NRG3: variants seen among roughly 807,000 people sequenced by gnomAD.
NRG3 encodes pro-neuregulin-3, membrane-bound isoform.
A neutral mutation model predicts 66.9 loss-of-function variants in NRG3; 31 were observed. That is an observed-to-expected ratio of 0.46 (90% CI 0.35 to 0.63). The LOEUF (loss-of-function observed/expected upper bound fraction) is 0.63. Ranked by LOEUF, NRG3 falls within the 20% of genes least tolerant of loss-of-function variation. The probability of loss-of-function intolerance (pLI) is 0.00; values close to 1 mark genes in which losing one functional copy is unlikely to be tolerated. For missense variants in NRG3, 910 were observed against 878.9 expected (o/e 1.04, Z -0.45); for synonymous variants, 393 against 359.4 (o/e 1.09, Z -1.06).
At chr10:82,758,221 G>A (rs1160974681) in intron 3 of NRG3, among the ~76,000 whole-genome samples, 1 of 152,080 alleles carries the variant, frequency 6.6e-6, no homozygotes, top group Non-Finnish European at 1.5e-5. Flanking sequence ...CCAAGTGTCT[G>A]TAATGCTCAG....
intron 2 of NRG3, among the ~76,000 whole-genome samples, chr10:82,702,015 T>C (rs925850381): frequency 6.6e-6 from 1 of 152,192 alleles, no homozygotes; most frequent in Admixed American, 6.6e-5. Flanking sequence ...TGGGTGCTGT[T>C]CAGGCTCACA....
Position 82,437,754 on chromosome 10 carries a change from ATTG to A in NRG3, c.953+78893_953+78895del, listed in dbSNP as rs535410361. Among the ~76,000 whole-genome samples the A allele has an allele frequency of 1.4e-4, 22 of 151,852 alleles. No homozygotes were observed. The South Asian group carries it at 3.7e-3, about 26-fold the overall frequency. On this transcript the variant is annotated intron_variant, in intron 2 of 8. Coordinates refer to ENST00000372141, the MANE Select transcript of NRG3 (RefSeq NM_001010848.4). ...TTTTGTTGTTGTTGTTGATGATGCTATTGTTGTTGCTTTCTTCTGGTTTGTTGT... is the reference window on the plus strand; with the variant it reads ...TTTTGTTGTTGTTGTTGATGATGCTATTGTTGCTTTCTTCTGGTTTGTTGT...
intron 4 of NRG3, among the ~76,000 whole-genome samples, chr10:82,938,368 T>TA (rs1279077883): frequency 6.6e-6 from 1 of 152,190 alleles, no homozygotes; most frequent in Non-Finnish European, 1.5e-5. Flanking sequence ...GAGGTGTTTC[T>TA]AATGTATAGC....
intron 1 of NRG3, among the ~76,000 whole-genome samples, chr10:81,963,717 G>A (rs1225581543): frequency 6.6e-6 from 1 of 152,132 alleles, no homozygotes; most frequent in Non-Finnish European, 1.5e-5. Context: ...CAGTGCTAAG[G>A]GTTGCTCTGT....
intron 1 of NRG3, among the ~76,000 whole-genome samples, chr10:82,060,056 T>C (rs1298119159): frequency 6.6e-6 from 1 of 152,182 alleles, no homozygotes; most frequent in Non-Finnish European, 1.5e-5. Context: ...ACCTTGTTTG[T>C]TGTGAAGGAT....
intron 1 of NRG3, among the ~76,000 whole-genome samples, chr10:82,340,576 A>G (rs2082634687): frequency 6.6e-6 from 1 of 152,242 alleles, no homozygotes; most frequent in African/African-American, 2.4e-5. Flanking sequence ...ATTCATTTTC[A>G]TGAAGGAATC....
At chr10:82,402,091 A>G (rs1435489506) in intron 2 of NRG3, among the ~76,000 whole-genome samples, 1 of 152,110 alleles carries the variant, frequency 6.6e-6, no homozygotes, top group Non-Finnish European at 1.5e-5. Flanking sequence ...TTTCTAAGAA[A>G]CATCTTTAGA....
At chr10:82,931,812 T>C (rs1847607042) in intron 4 of NRG3, among the ~76,000 whole-genome samples, 1 of 152,182 alleles carries the variant, frequency 6.6e-6, no homozygotes, top group African/African-American at 2.4e-5. Context: ...TGATATCCCT[T>C]TCAGCTTCCT....
intron 1 of NRG3, among the ~76,000 whole-genome samples, chr10:82,022,085 A>T (rs1428804135): frequency 6.6e-6 from 1 of 152,018 alleles, no homozygotes; most frequent in Non-Finnish European, 1.5e-5. Context: ...CATCTGTTAA[A>T]ATTTTATTGA....
In NRG3 at chr10:82,191,673, C is replaced by A. The variant is rs186544597; in HGVS notation, c.824-167066C>A. ...AAGGTAACTCTACAAGAGGGAACTT[C>A]ATTCCATGTTGTAAAACTACCATGT... On this transcript the variant is annotated intron_variant, in intron 1 of 8. Coordinates refer to ENST00000372141, the MANE Select transcript of NRG3 (RefSeq NM_001010848.4). Among the ~76,000 whole-genome samples the A allele has an allele frequency of 3.3e-3, 501 of 152,300 alleles. 2 individuals carry two copies. The highest frequency in any genetic ancestry group is 0.011 in the African/African-American group (478 of 41,576).
At chr10:82,201,901 G>A (rs561900199) in intron 1 of NRG3, among the ~76,000 whole-genome samples, 1 of 152,134 alleles carries the variant, frequency 6.6e-6, no homozygotes, top group South Asian at 2.1e-4. Context: ...ATTCTGTTGA[G>A]GATTTAGAGA....
chr10:82,121,958 G>A (rs958661600), intron 1 of NRG3, among the ~76,000 whole-genome samples: 12 of 151,992 alleles, frequency 7.9e-5, no homozygotes, highest in Non-Finnish European at 1.6e-4. Context: ...TCATGTGACT[G>A]TTTTATAACA....
intron 1 of NRG3, among the ~76,000 whole-genome samples, chr10:82,238,928 A>AT (rs1564698670): frequency 3.5e-5 from 5 of 142,964 alleles, no homozygotes; most frequent in African/African-American, 7.7e-5. Flanking sequence ...ATATATATAT[A>AT]ATATTTATAT....
intron 2 of NRG3, among the ~76,000 whole-genome samples, chr10:82,698,303 T>C (rs1051765561): frequency 1.3e-5 from 2 of 152,132 alleles, no homozygotes; most frequent in African/African-American, 4.8e-5. Flanking sequence ...AGTTACCTAA[T>C]GCTAGTGTAA....
chr10:82,228,373 A>C (rs1031816143), intron 1 of NRG3, among the ~76,000 whole-genome samples: 3 of 152,158 alleles, frequency 2.0e-5, no homozygotes, highest in Non-Finnish European at 2.9e-5. Context: ...CATTATGATA[A>C]ATTTCTAAGA....
chr10:81,943,681 C>T (rs1014481227), intron 1 of NRG3, among the ~76,000 whole-genome samples: 1 of 152,126 alleles, frequency 6.6e-6, no homozygotes, highest in Admixed American at 6.6e-5. Context: ...TCACACTGCC[C>T]CAAGAAAGGA....
intron 2 of NRG3, among the ~76,000 whole-genome samples, chr10:82,373,713 G>A (rs1241119423): frequency 6.6e-6 from 1 of 152,160 alleles, no homozygotes; most frequent in African/African-American, 2.4e-5. Flanking sequence ...TCATAATTTT[G>A]CCACAGTTTG....
intron 2 of NRG3, among the ~76,000 whole-genome samples, chr10:82,487,184 A>G (rs1842756451): frequency 6.6e-6 from 1 of 151,022 alleles, no homozygotes; most frequent in South Asian, 2.1e-4. Flanking sequence ...GAATAAAAGT[A>G]TATTTTGCTT....
At chr10:82,490,112 A>G (rs1842975619) in intron 2 of NRG3, among the ~76,000 whole-genome samples, 1 of 152,174 alleles carries the variant, frequency 6.6e-6, no homozygotes, top group African/African-American at 2.4e-5. Context: ...ATGTTAATAT[A>G]TCGTTAATCC....
Sources: gnomAD v4.1 joint callset for allele counts (sites outside exome capture counted in the v4.1 genomes callset) on GRCh38, gnomAD v4.1.1 for gene constraint, MANE v1.5 for transcripts, NCBI Gene and HGNC (gene_info 2026-07-23, HGNC 2026-07-21) for gene names.